Variants in DPYD observed in about 807,000 individuals in gnomAD.
DPYD encodes dihydropyrimidine dehydrogenase.
A neutral mutation model predicts 116.2 loss-of-function variants in DPYD; 109 were observed. That is an observed-to-expected ratio of 0.94 (90% CI 0.80 to 1.10). DPYD has a LOEUF of 1.10. Ranked by LOEUF, DPYD falls within the 50% of genes least tolerant of loss-of-function variation. DPYD has a pLI of 0.00. For synonymous variants in DPYD, 440 were observed against 432.0 expected (o/e 1.02, Z -0.23); for missense variants, 1,302 against 1,254.5 (o/e 1.04, Z -0.57).
intron 14 of DPYD, among the ~76,000 whole-genome samples, chr1:97,431,725 T>C (rs1675189666): frequency 6.6e-6 from 1 of 152,146 alleles, no homozygotes; most frequent in Non-Finnish European, 1.5e-5. Flanking sequence ...ATTCCACTCC[T>C]CAGTTATTTT....
rs557688242 is a variant in DPYD at position 97,812,469 on chromosome 1, T to C, written c.233+15645A>G. Among the ~76,000 whole-genome samples, 286 of 152,262 alleles carry C rather than the reference T, an allele frequency of 1.9e-3. 2 individuals carry two copies. The highest frequency in any genetic ancestry group is 6.8e-3 in the African/African-American group (284 of 41,562). On this transcript the variant is annotated intron_variant, in intron 3 of 22. Transcript: ENST00000370192. ...AAGGAATGTGTGTGTATAATATTTA[T>C]GTATGTCTTCAAACACTAAGGACTT... is the stretch of plus-strand genomic sequence containing the variant.
At chr1:97,876,789 G>C (rs192179660) in intron 2 of DPYD, among the ~76,000 whole-genome samples, 1 of 151,970 alleles carries the variant, frequency 6.6e-6, no homozygotes, top group Non-Finnish European at 1.5e-5. Context: ...TAGAATTTTA[G>C]AAGTCACGTT....
At chr1:97,438,216 A>G (rs1675574513) in intron 14 of DPYD, among the ~76,000 whole-genome samples, 1 of 152,042 alleles carries the variant, frequency 6.6e-6, no homozygotes, top group South Asian at 2.1e-4. Flanking sequence ...TTGCACTTCC[A>G]TATGAATTTC....
At chr1:97,443,069 A>G (rs1675890380) in intron 14 of DPYD, among the ~76,000 whole-genome samples, 1 of 152,176 alleles carries the variant, frequency 6.6e-6, no homozygotes, top group Non-Finnish European at 1.5e-5. Flanking sequence ...ATAAAAAGCA[A>G]GTCAGAGGAG....
chr1:97,691,448 T>A (rs1661003650), intron 7 of DPYD: 1 of 351,786 alleles, frequency 2.8e-6, no homozygotes, highest in African/African-American at 2.1e-5. Context: ...ACTGAACCCC[T>A]AAAGCAATTT....
intron 10 of DPYD, among the ~76,000 whole-genome samples, chr1:97,587,880 A>G (rs1654248728): frequency 6.6e-6 from 1 of 152,030 alleles, no homozygotes; most frequent in African/African-American, 2.4e-5. Flanking sequence ...AATTGATGAC[A>G]AAACTATCCA....
At chr1:97,915,875 A>G (rs1674185309) in intron 1 of DPYD, among the ~76,000 whole-genome samples, 1 of 151,982 alleles carries the variant, frequency 6.6e-6, no homozygotes, top group Non-Finnish European at 1.5e-5. Context: ...ATCTCATCAG[A>G]TTTTCTTTGT....
intron 11 of DPYD, among the ~76,000 whole-genome samples, chr1:97,555,689 C>G (rs1461033112): frequency 6.6e-6 from 1 of 152,072 alleles, no homozygotes; most frequent in Non-Finnish European, 1.5e-5. Flanking sequence ...TTCCCATCAG[C>G]AAAACTACAA....
At chr1:97,226,399 AG>A (rs1661165522) in intron 19 of DPYD, among the ~76,000 whole-genome samples, 1 of 152,162 alleles carries the variant, frequency 6.6e-6, no homozygotes, top group African/African-American at 2.4e-5. Context: ...TTAATTAGGA[AG>A]AAAAAGAAAT....
intron 11 of DPYD, among the ~76,000 whole-genome samples, chr1:97,572,300 A>G (rs1310447735): frequency 2.0e-5 from 3 of 151,944 alleles, no homozygotes; most frequent in Non-Finnish European, 4.4e-5. Context: ...TCATACATAC[A>G]TACACAAATA....
At chr1:97,520,982 T>C (rs1648613679) in intron 12 of DPYD, among the ~76,000 whole-genome samples, 1 of 152,168 alleles carries the variant, frequency 6.6e-6, no homozygotes, top group Admixed American at 6.6e-5. Context: ...ATCCTTTGGG[T>C]ATATACTTAG....
intron 18 of DPYD, among the ~76,000 whole-genome samples, chr1:97,271,466 G>A (rs1269182672): frequency 2.0e-5 from 3 of 152,070 alleles, no homozygotes; most frequent in African/African-American, 4.8e-5. Flanking sequence ...ATCAGATATG[G>A]CAATACTTAT....
intron 8 of DPYD, among the ~76,000 whole-genome samples, chr1:97,630,138 T>C (rs1003897816): frequency 6.6e-6 from 1 of 151,920 alleles, no homozygotes; most frequent in Non-Finnish European, 1.5e-5. Context: ...CTGTTTATAG[T>C]TTTTGGCTAT....
chr1:97,160,536 C>A (rs1444052025), intron 20 of DPYD, among the ~76,000 whole-genome samples: 1 of 152,052 alleles, frequency 6.6e-6, no homozygotes, highest in East Asian at 1.9e-4. Context: ...GAGAGATAAG[C>A]AACTCTTTGA....
intron 16 of DPYD, among the ~76,000 whole-genome samples, chr1:97,309,679 T>TAA (rs755610163): frequency 0.18 from 27,727 of 151,646 alleles, 3,150 homozygotes; most frequent in Non-Finnish European, 0.27. Context: ...CAACTAATCT[T>TAA]ATCGGGAATA....
rs527727436 is a variant in DPYD at position 97,405,844 on chromosome 1, A to G, written c.1906-23383T>C. Among the ~76,000 whole-genome samples, 7 of 152,204 alleles carry G rather than the reference A, an allele frequency of 4.6e-5. No homozygotes were observed. The East Asian group carries it at 1.4e-3, about 29-fold the overall frequency. ...CTTAATACTTCAAATATTTAACTCC[A>G]GTCTATTCTTGCTCTTTAGGTCTTG... On this transcript the variant is annotated intron_variant, in intron 14 of 22. Transcript: ENST00000370192.
intron 7 of DPYD, among the ~76,000 whole-genome samples, chr1:97,680,874 T>C (rs1660395033): frequency 6.6e-6 from 1 of 152,094 alleles, no homozygotes; most frequent in South Asian, 2.1e-4. Context: ...CCCTTGAAAG[T>C]AAAAGACAAA....
At chr1:97,282,813 G>A (rs6700981) in intron 18 of DPYD, among the ~76,000 whole-genome samples, 2,249 of 152,052 alleles carry the variant, frequency 0.015, 41 homozygotes, top group Middle Eastern at 0.044. Flanking sequence ...GAGTGAGAAC[G>A]GTATTTGGTT....
intron 1 of DPYD, among the ~76,000 whole-genome samples, chr1:97,920,610 A>C (rs1254764325): frequency 6.6e-6 from 1 of 152,186 alleles, no homozygotes; most frequent in African/African-American, 2.4e-5. Flanking sequence ...GAGGAGGACA[A>C]GACAGGCTTC....
Sources: gnomAD v4.1 joint callset for allele counts (sites outside exome capture counted in the v4.1 genomes callset) on GRCh38, gnomAD v4.1.1 for gene constraint, MANE v1.5 for transcripts, NCBI Gene and HGNC (gene_info 2026-07-23, HGNC 2026-07-21) for gene names.